The following LMNA variants were observed in gnomAD, a reference collection of about 807,000 sequenced individuals.
The protein encoded by LMNA is lamin.
LMNA carries 20 observed loss-of-function variants against 70.4 expected under a neutral mutation model. The observed-to-expected ratio is 0.28, with a 90% confidence interval of 0.20 to 0.41. The LOEUF (loss-of-function observed/expected upper bound fraction) is 0.41, where lower values mean the gene tolerates loss of function less well. Among genes scored for constraint, LMNA ranks in the 10% least tolerant of loss-of-function variants. LMNA has a pLI of 1.00. For missense variants in LMNA, 652 were observed against 917.2 expected, an observed-to-expected ratio of 0.71 and a Z score of 3.73; for synonymous variants, 339 against 372.8, an observed-to-expected ratio of 0.91 and a Z score of 1.04.
In LMNA at chr1:156,135,795, C is replaced by A; in HGVS notation, c.937-106C>A. ...GAGGGCTCTGGGGAAGCTCTGATTG[C>A]AGATCCTGGAGAGAGTAGCCAGGTG... On this transcript the variant is annotated intron_variant, in intron 5 of 11. Transcript: ENST00000368300. The surrounding 1 kb of genome is among the most constrained non-coding windows in gnomAD (Gnocchi z 4.8). 1 of 897,044 alleles carries A rather than the reference C, an allele frequency of 1.1e-6. No homozygotes were observed. The highest frequency in any genetic ancestry group is 1.8e-6 in the Non-Finnish European group (1 of 565,734). 55.6% of individuals were successfully genotyped at this position (897,044 alleles called of 1,614,324 possible).
upstream of LMNA, among the ~76,000 whole-genome samples, chr1:156,110,589 G>A (rs1474442595): frequency 1.3e-5 from 2 of 152,158 alleles, no homozygotes; most frequent in Non-Finnish European, 2.9e-5. Context: ...TGGCACCCGT[G>A]ATCCCAGCAC....
intron 2 of LMNA, among the ~76,000 whole-genome samples, chr1:156,084,341 G>GGGGGGGGGGT (rs1648401818): frequency 7.9e-6 from 1 of 127,238 alleles, no homozygotes; most frequent in African/African-American, 2.8e-5. Flanking sequence ...GGGGTGGTGG[G>GGGGGGGGGGT]GGCAGTTGGC....
chr1:156,130,036 G>GA (rs1236380212), intron 1 of LMNA: 1 of 616,044 alleles, frequency 1.6e-6, no homozygotes, highest in African/African-American at 1.8e-5. Context: ...ATTGTGCCTG[G>GA]TCATCCTTGT....
rs1572323263 is a variant in LMNA at position 156,103,474 on chromosome 1, A to G, written c.-206-11239A>G. Among the ~76,000 whole-genome samples, 1 of 152,084 alleles carries G rather than the reference A, an allele frequency of 6.6e-6. No individual in the cohort carries two copies. Among genetic ancestry groups the G allele is most frequent in the South Asian group, 2.1e-4 (1 of 4,824 alleles). On this transcript the variant is annotated intron_variant, in intron 3 of 12. Transcript: ENST00000368301. This position sits in a 1 kb window ranked among gnomAD's most constrained non-coding sequence, Gnocchi z 4.7. The stretch of plus-strand genomic sequence containing the variant: ...GTGCCAGGATCCCCATTTTGCATAC[A>G]GTAGCTGAGGCTCAGCCAGGAAAAT...
In LMNA at chr1:156,134,800, T is replaced by C; in HGVS notation, c.640-5T>C. On this transcript the variant is annotated splice_region_variant and splice_polypyrimidine_tract_variant and intron_variant, in intron 3 of 11. Transcript: ENST00000368300. This position sits in a 1 kb window ranked among gnomAD's most constrained non-coding sequence, Gnocchi z 5.3. ...GTTTCTGTGTCCTTCCTCCAACCCTTCCAGGAGCTGCGTGAGACCAAGCGC... is the reference window on the plus strand; with the variant it reads ...GTTTCTGTGTCCTTCCTCCAACCCTCCCAGGAGCTGCGTGAGACCAAGCGC... 6.2e-7 allele frequency: 1 copy of C among 1,614,132 alleles called. No individual in the cohort carries two copies. The highest frequency in any genetic ancestry group is 1.7e-5 in the Admixed American group (1 of 60,032).
chr1:156,121,061 T>TC (rs1226251152), intron 1 of LMNA, among the ~76,000 whole-genome samples: 1 of 147,194 alleles, frequency 6.8e-6, no homozygotes, highest in African/African-American at 2.6e-5. Context: ...TTTTTTTTTT[T>TC]TTTTTTTTTT....
At chr1:156,093,828 A>G (rs866185049) in intron 3 of LMNA, 1 of 151,658 alleles carries the variant, frequency 6.6e-6, no homozygotes, top group African/African-American at 2.4e-5. Flanking sequence ...ATGCTCATCC[A>G]TCCTTCCCTC....
At chr1:156,118,845 T>A (rs1242524610) in intron 1 of LMNA, among the ~76,000 whole-genome samples, 2 of 152,178 alleles carry the variant, frequency 1.3e-5, no homozygotes, top group Non-Finnish European at 2.9e-5. Flanking sequence ...TGTAGCAATT[T>A]TTGACCCAGC....
chr1:156,124,655 T>G (rs1189146144), intron 1 of LMNA, among the ~76,000 whole-genome samples: 3 of 152,162 alleles, frequency 2.0e-5, no homozygotes, highest in African/African-American at 4.8e-5. Context: ...AGGGGAATTC[T>G]CCACATCCTG....
At chr1:156,088,868 G>A (rs574920102) in intron 2 of LMNA, among the ~76,000 whole-genome samples, 1 of 152,226 alleles carries the variant, frequency 6.6e-6, no homozygotes, top group African/African-American at 2.4e-5. Flanking sequence ...TAGCCAGGAT[G>A]GTCTCAATCT....
chr1:156,096,257 C>A (rs935754427), intron 3 of LMNA, among the ~76,000 whole-genome samples: 3 of 152,214 alleles, frequency 2.0e-5, no homozygotes, highest in African/African-American at 7.2e-5. Flanking sequence ...CCCTTTCTGA[C>A]TGGCTATTCA....
At position 156,126,934 on chromosome 1, in the gene LMNA, C is replaced by A. The variant is rs748615597; in HGVS notation, c.357-3683C>A. The A allele has an allele frequency of 3.2e-6, 5 of 1,571,684 alleles. No homozygotes were observed. In the Admixed American group the frequency reaches 7.5e-5, roughly 24 times the overall value. On this transcript the variant is annotated intron_variant, in intron 1 of 11. Coordinates refer to ENST00000368300, the MANE Select transcript of LMNA (RefSeq NM_170707.4). ...CTCCCCTGTGAGCACTAGAGGATTT[C>A]CCGACCCCTGCCCGGGTATTGTGTG...
At chr1:156,107,923 G>A (rs988797025) in intron 3 of LMNA, among the ~76,000 whole-genome samples, 3 of 151,346 alleles carry the variant, frequency 2.0e-5, no homozygotes, top group Non-Finnish European at 4.4e-5. Flanking sequence ...ATGCCACCAC[G>A]CCCAGCTGAT....
At position 156,132,424 on chromosome 1, in the gene LMNA, C is replaced by T. The variant is rs1224438384; in HGVS notation, c.513+1651C>T. On this transcript the variant is annotated intron_variant, in intron 2 of 11. Transcript: ENST00000368300. ...GGTGGAGGTTGCAGTGAGCCAAGAT[C>T]GGGTCACAGCACTCCAGCCTAGGCA... Among the ~76,000 whole-genome samples the T allele has an allele frequency of 3.3e-5, 5 of 151,324 alleles. 1 individual carries two copies. In the Middle Eastern group the frequency reaches 0.014, roughly 417 times the overall value.
chr1:156,099,154 C>A (rs1370822187), intron 3 of LMNA, among the ~76,000 whole-genome samples: 1 of 152,094 alleles, frequency 6.6e-6, no homozygotes, highest in Non-Finnish European at 1.5e-5. Flanking sequence ...AAGGAGAGGG[C>A]CCTGGAGCCC....
Position 156,138,264 on chromosome 1 carries a change from G to C in LMNA, c.1699-224G>C, listed in dbSNP as rs547284401. ...GAACAGAGTCAGAGTCACTGCTCTG[G>C]TTCTCTGTCCCCAAGTCTTCCTGAG... On this transcript the variant is annotated intron_variant, in intron 10 of 11. Transcript: ENST00000368300. The surrounding 1 kb of genome is among the most constrained non-coding windows in gnomAD (Gnocchi z 5.5). The C allele has an allele frequency of 8.5e-5, 51 of 600,768 alleles. No homozygotes were observed. In the African/African-American group the frequency reaches 8.5e-4, roughly 10 times the overall value. The allele number at this position is 600,768 out of a possible 1,614,324, so 37.2% of individuals were successfully genotyped here.
At chr1:156,084,331 G>T (rs867912257) in intron 2 of LMNA, among the ~76,000 whole-genome samples, 2 of 95,542 alleles carry the variant, frequency 2.1e-5, no homozygotes, top group Non-Finnish European at 3.9e-5. Flanking sequence ...AGAAGGTCGG[G>T]GGGTGGTGGG....
chr1:156,115,558 C>T lies in LMNA; in HGVS notation c.356+284C>T, dbSNP rs1572333375. Among the ~76,000 whole-genome samples the T allele has an allele frequency of 6.6e-6, 1 of 152,048 alleles. No homozygotes were observed. Among genetic ancestry groups the T allele is most frequent in the Non-Finnish European group, 1.5e-5 (1 of 67,998 alleles). Reference sequence around the variant, plus strand: ...GTTGGGGCTGGGGCCGGCCTGAATTCGGTCAGATTGGGATTTGCCAACTAT... The same window carrying T: ...GTTGGGGCTGGGGCCGGCCTGAATTTGGTCAGATTGGGATTTGCCAACTAT... On this transcript the variant is annotated intron_variant, in intron 1 of 11. Coordinates refer to ENST00000368300, the MANE Select transcript of LMNA (RefSeq NM_170707.4). The surrounding 1 kb of genome is among the most constrained non-coding windows in gnomAD (Gnocchi z 5.8).
In LMNA at chr1:156,134,410, C is replaced by A. The variant is rs762153472; in HGVS notation, c.521C>A (p.Ala174Glu). 6.2e-7 allele frequency: 1 copy of A among 1,614,106 alleles called. No homozygotes were observed. Among genetic ancestry groups the A allele is most frequent in the South Asian group, 1.1e-5 (1 of 91,082 alleles). The part of the protein sequence containing the change: ...DLRGQVAKLE[A>E]ALGEAKKQLQ... ...CTGCCTGCTTCCTCACAGCTTGAGG[C>A]AGCCCTAGGTGAGGCCAAGAAGCAA... Residue 174 changes from alanine to glutamate, a missense_variant, in exon 3 of 12, where the codon GCA becomes GAA. Around this residue, in one of 4 missense-constraint regions of LMNA, gnomAD observed 254 missense variants for 421.9 expected, o/e 0.60. Coordinates refer to ENST00000368300, the MANE Select transcript of LMNA (RefSeq NM_170707.4). The surrounding 1 kb of genome is among the most constrained non-coding windows in gnomAD (Gnocchi z 5.3).
Sources: allele counts gnomAD v4.1 joint callset (sites outside exome capture counted in the v4.1 genomes callset), GRCh38; gene constraint gnomAD v4.1.1; regional missense constraint gnomAD v4.1.1; non-coding constraint Gnocchi (gnomAD v3.1); transcripts MANE v1.5; gene names NCBI Gene and HGNC (gene_info 2026-07-23, HGNC 2026-07-21).